The following PHYHIPL variants were observed in gnomAD, a reference collection of about 807,000 sequenced individuals.
PHYHIPL encodes phytanoyl-CoA hydroxylase-interacting protein-like.
Under a neutral mutation model 33.4 loss-of-function variants are expected in PHYHIPL, and 9 were observed. The ratio of observed to expected loss-of-function variants is 0.27; its 90% CI spans 0.16 to 0.47. The LOEUF (loss-of-function observed/expected upper bound fraction) is 0.47. PHYHIPL is among the 20% of genes least tolerant of loss of function. The pLI is 0.99. For synonymous variants in PHYHIPL, 153 were observed against 154.1 expected (o/e 0.99, Z 0.05); for missense variants, 365 against 460.7 (o/e 0.79, Z 1.90).
intron 1 of PHYHIPL, among the ~76,000 whole-genome samples, chr10:59,228,116 A>G (rs573271525): frequency 6.6e-6 from 1 of 152,210 alleles, no homozygotes; most frequent in South Asian, 2.1e-4. Context: ...TTCTTCAAAG[A>G]TAAAAAAATA....
In PHYHIPL at chr10:59,196,436, A is replaced by G. The variant is rs1030346952; in HGVS notation, c.106+19477A>G. Reference sequence around the variant, plus strand: ...CAACATTTTTTTTTTTTTTTTTGAGATAGAGTCTTGCTCTGTTGCCCAGGC... The same window carrying G: ...CAACATTTTTTTTTTTTTTTTTGAGGTAGAGTCTTGCTCTGTTGCCCAGGC... On this transcript the variant is annotated intron_variant, in intron 1 of 4. Transcript: ENST00000373880. Among the ~76,000 whole-genome samples the G allele has an allele frequency of 8.6e-5, 12 of 139,158 alleles. No individual in the cohort carries two copies. In the East Asian group the frequency reaches 1.9e-3, roughly 22 times the overall value. The allele number at this position is 139,158 out of a possible 152,430, so 91.3% of individuals were successfully genotyped here.
chr10:59,180,053 A>T (rs1210200561), intron 1 of PHYHIPL, among the ~76,000 whole-genome samples: 1 of 151,812 alleles, frequency 6.6e-6, no homozygotes, highest in Non-Finnish European at 1.5e-5. Context: ...AGTATACTCA[A>T]ATTGCATACA....
chr10:59,178,765 G>T (rs1838322225), intron 1 of PHYHIPL, among the ~76,000 whole-genome samples: 1 of 152,090 alleles, frequency 6.6e-6, no homozygotes, highest in African/African-American at 2.4e-5. Context: ...AAAAAATAAT[G>T]CTGTATTTAC....
chr10:59,176,377 C>T (rs1431227885), upstream of PHYHIPL, among the ~76,000 whole-genome samples: 2 of 152,152 alleles, frequency 1.3e-5, no homozygotes, highest in Non-Finnish European at 2.9e-5. Flanking sequence ...GAGGCAGCCG[C>T]GCGGCGTATA....
At chr10:59,177,743 G>T (rs1838292889) in intron 1 of PHYHIPL, 6 of 1,175,318 alleles carry the variant, frequency 5.1e-6, no homozygotes, top group Admixed American at 2.0e-5. Context: ...GCTGTGTGCG[G>T]TGTGGTTAGT....
chr10:59,234,221 A>G (rs1840161287), intron 1 of PHYHIPL, 83 bp from the exon 2 acceptor site: 3 of 1,110,718 alleles, frequency 2.7e-6, no homozygotes. Flanking sequence ...TCTACTTTTT[A>G]TTGGTAATAA....
chr10:59,235,539 T>A (rs1333656431), intron 2 of PHYHIPL, among the ~76,000 whole-genome samples: 1 of 151,894 alleles, frequency 6.6e-6, no homozygotes, highest in Non-Finnish European at 1.5e-5. Flanking sequence ...TAAGTGAGGA[T>A]CATACATACT....
At chr10:59,200,344 T>C (rs2133215963) in intron 1 of PHYHIPL, among the ~76,000 whole-genome samples, 1 of 152,334 alleles carries the variant, frequency 6.6e-6, no homozygotes, top group Non-Finnish European at 1.5e-5. Context: ...GTCCTGTTTA[T>C]ATGCTGGATT....
chr10:59,236,605 T>C lies in PHYHIPL; in HGVS notation c.426T>C (p.Asp142=), dbSNP rs1416708897. 5 of 1,610,736 alleles carry C rather than the reference T, an allele frequency of 3.1e-6. No homozygotes were observed. Among genetic ancestry groups the C allele is most frequent in the Non-Finnish European group, 4.2e-6 (5 of 1,178,128 alleles). The part of the protein sequence containing the change: ...VAVQTASKQV[D]GDYVVSEWSE... ...TGCAGACTGCCTCAAAACAAGTTGA[T>C]GGTGATTATGTTGTGTCTGAATGGA... Residue 142 remains aspartate (D), a synonymous_variant, in exon 3 of 5, where the codon GAT becomes GAC. Transcript: ENST00000373880.
rs115651666 is a variant in PHYHIPL, at chr10:59,183,516, C to T, written c.106+6557C>T. On this transcript the variant is annotated intron_variant, in intron 1 of 4. Transcript: ENST00000373880. ...TGAAAAGGGAAAGGTTAGGATGTAACTTCAGTTTTACAGTGACTTTTAATG... is the reference window on the plus strand; with the variant it reads ...TGAAAAGGGAAAGGTTAGGATGTAATTTCAGTTTTACAGTGACTTTTAATG... The T allele has an allele frequency of 9.6e-3, 2,352 of 245,888 alleles. 67 individuals carry two copies. The highest frequency in any genetic ancestry group is 0.05 in the African/African-American group (2,176 of 43,108). The allele number at this position is 245,888 out of a possible 1,614,324, so 15.2% of individuals were successfully genotyped here.
At chr10:59,240,183 T>G (rs1294059909) in intron 4 of PHYHIPL, among the ~76,000 whole-genome samples, 2 of 152,116 alleles carry the variant, frequency 1.3e-5, no homozygotes, top group African/African-American at 4.8e-5. Context: ...TCCATATATT[T>G]CCTGGTAGAT....
upstream of PHYHIPL, among the ~76,000 whole-genome samples, chr10:59,173,749 A>T (rs1437453012): frequency 6.6e-6 from 1 of 152,046 alleles, no homozygotes; most frequent in Non-Finnish European, 1.5e-5. Context: ...AGCAGAAGAA[A>T]AATTAGAGTA....
At position 59,247,617 on chromosome 10, in the gene PHYHIPL, A is replaced by G; in HGVS notation, c.*2026A>G. 3 of 1,613,332 alleles carry G rather than the reference A, an allele frequency of 1.9e-6. No homozygotes were observed. The highest frequency in any genetic ancestry group is 1.7e-6 in the Non-Finnish European group (2 of 1,179,612). ...TGATCATAACATTTCCTGAACCTCA[A>G]ATAGTTTTGGCCACATCTTGCTTGC... On this transcript the variant is annotated 3_prime_UTR_variant, in exon 5 of 5. Coordinates refer to ENST00000373880, the MANE Select transcript of PHYHIPL (RefSeq NM_032439.4).
chr10:59,182,822 A>G (rs1589255860), intron 1 of PHYHIPL, among the ~76,000 whole-genome samples: 1 of 152,206 alleles, frequency 6.6e-6, no homozygotes, highest in Non-Finnish European at 1.5e-5. Flanking sequence ...TGAGGAATTC[A>G]TGATGATTGA....
At chr10:59,192,978 A>C (rs1242797185) in intron 1 of PHYHIPL, among the ~76,000 whole-genome samples, 1 of 152,054 alleles carries the variant, frequency 6.6e-6, no homozygotes, top group African/African-American at 2.4e-5. Context: ...ATAGGGAGAG[A>C]GTTTGAGAAT....
intron 1 of PHYHIPL, among the ~76,000 whole-genome samples, chr10:59,227,968 C>T (rs1201427351): frequency 1.9e-5 from 2 of 106,230 alleles, no homozygotes; most frequent in African/African-American, 1.0e-4. Flanking sequence ...TAATTTTTGC[C>T]TATTGAGATA....
intron 1 of PHYHIPL, among the ~76,000 whole-genome samples, chr10:59,220,169 G>A (rs993224600): frequency 1.3e-5 from 2 of 151,982 alleles, no homozygotes; most frequent in Non-Finnish European, 2.9e-5. Flanking sequence ...AAAAAGATAG[G>A]CATAGTCAAC....
intron 1 of PHYHIPL, among the ~76,000 whole-genome samples, chr10:59,212,207 A>G (rs1056179912): frequency 2.6e-5 from 4 of 152,194 alleles, no homozygotes; most frequent in Admixed American, 1.3e-4. Flanking sequence ...GCTGTCCTCA[A>G]CCTTGTACTT....
At chr10:59,174,839 C>G (rs967636284), upstream of PHYHIPL, among the ~76,000 whole-genome samples, 1 of 152,220 alleles carries the variant, frequency 6.6e-6, no homozygotes, top group Non-Finnish European at 1.5e-5. Context: ...ACCCATCCTA[C>G]TTTTACTTTT....
Sources: gnomAD v4.1 joint callset for allele counts (sites outside exome capture counted in the v4.1 genomes callset) on GRCh38, gnomAD v4.1.1 for gene constraint, MANE v1.5 for transcripts, NCBI Gene and HGNC (gene_info 2026-07-23, HGNC 2026-07-21) for gene names.